CSMD1: variants seen among roughly 807,000 people sequenced by gnomAD.
CSMD1 encodes the protein CUB and Sushi multiple domains 1, also known as CUB and sushi domain-containing protein 1.
CSMD1 carries 213 observed loss-of-function variants against 417.5 expected under a neutral mutation model. The observed-to-expected ratio is 0.51, with a 90% CI of 0.46 to 0.57. The LOEUF is 0.57. Ranked by LOEUF, CSMD1 falls within the 20% of genes least tolerant of loss-of-function variation. The pLI, the probability that CSMD1 is intolerant of heterozygous loss-of-function variation, is 0.00. For missense variants in CSMD1, 6,923 were observed against 4,529.7 expected (o/e 1.53, Z -15.17); for synonymous variants, 2,862 against 1,736.8 (o/e 1.65, Z -16.11).
intron 7 of CSMD1, among the ~76,000 whole-genome samples, chr8:3,648,213 T>C (rs1439394471): frequency 3.3e-5 from 5 of 152,256 alleles, no homozygotes; most frequent in East Asian, 1.9e-4. Context: ...TCTCACCATA[T>C]ACTAGAGACA....
At chr8:4,843,967 C>G (rs999983255) in intron 1 of CSMD1, among the ~76,000 whole-genome samples, 1 of 152,136 alleles carries the variant, frequency 6.6e-6, no homozygotes, top group African/African-American at 2.4e-5. Flanking sequence ...AAGTGTGTTT[C>G]TCATGAATCA....
At chr8:3,031,479 A>T (rs1335902464) in intron 50 of CSMD1, among the ~76,000 whole-genome samples, 1 of 152,036 alleles carries the variant, frequency 6.6e-6, no homozygotes, top group African/African-American at 2.4e-5. Flanking sequence ...ATAAAAAAAA[A>T]TTATTTTTAA....
intron 12 of CSMD1, among the ~76,000 whole-genome samples, chr8:3,452,581 G>A (rs1039203296): frequency 1.3e-5 from 2 of 152,114 alleles, no homozygotes; most frequent in Non-Finnish European, 2.9e-5. Flanking sequence ...TAATCATGTG[G>A]TTTTTGTCAT....
intron 1 of CSMD1, among the ~76,000 whole-genome samples, chr8:4,792,386 G>A (rs982551081): frequency 6.6e-6 from 1 of 152,188 alleles, no homozygotes; most frequent in South Asian, 2.1e-4. Flanking sequence ...CAATTCCAGA[G>A]ACATTTCGTC....
chr8:3,304,309 A>C (rs1804644662), intron 25 of CSMD1, among the ~76,000 whole-genome samples: 1 of 152,170 alleles, frequency 6.6e-6, no homozygotes, highest in Non-Finnish European at 1.5e-5. Context: ...TGAAATAAAT[A>C]AGACTTAGTA....
At chr8:4,229,240 T>TAC (rs1801559118) in intron 3 of CSMD1, among the ~76,000 whole-genome samples, 1 of 152,190 alleles carries the variant, frequency 6.6e-6, no homozygotes, top group Non-Finnish European at 1.5e-5. Context: ...TGGCTAGTCC[T>TAC]ACTCAAAAGA....
chr8:2,957,709 C>G lies in CSMD1; in HGVS notation c.9801G>C (p.Gln3267His), dbSNP rs755032202. Reference protein sequence around the residue: ...CLANLTWSGIQTECIPHACRQ... With the variant: ...CLANLTWSGIHTECIPHACRQ... Reference sequence around the variant, plus strand: ...AATCACACTTACGTATACATTCGGTCTGTATCCCACTCCATGTTAAATTGG... The same window carrying G: ...AATCACACTTACGTATACATTCGGTGTGTATCCCACTCCATGTTAAATTGG... Residue 3267 changes from glutamine (Q) to histidine (H), a missense_variant, in exon 63 of 70, where the codon CAG becomes CAC. Gln to His is a conservative substitution (Grantham distance 24, BLOSUM62 0). Coordinates refer to ENST00000635120, the MANE Select transcript of CSMD1 (RefSeq NM_033225.6). 1 of 1,588,250 alleles carries G rather than the reference C, an allele frequency of 6.3e-7. No homozygotes were observed. The highest frequency in any genetic ancestry group is 1.3e-5 in the African/African-American group (1 of 74,732).
chr8:3,059,575 C>G (rs532800725), intron 49 of CSMD1, among the ~76,000 whole-genome samples: 1 of 152,250 alleles, frequency 6.6e-6, no homozygotes, highest in East Asian at 1.9e-4. Context: ...CACGTCAGGA[C>G]ACCCTTCAGA....
intron 3 of CSMD1, among the ~76,000 whole-genome samples, chr8:4,288,356 C>T (rs554072046): frequency 1.9e-4 from 29 of 152,238 alleles, no homozygotes; most frequent in African/African-American, 7.0e-4. Flanking sequence ...TTAAGCAAAC[C>T]TTAATGATTC....
chr8:3,712,396 GAGAGACAGACAGACAGACAGAC>G (rs1474110627), intron 6 of CSMD1, among the ~76,000 whole-genome samples: 1 of 63,924 alleles, frequency 1.6e-5, no homozygotes. Context: ...GAGAGAGAGA[GAGAGACAGACAGACAGACAGAC>G]AGACAGACAG....
At chr8:4,130,510 C>G (rs1803033985) in intron 3 of CSMD1, among the ~76,000 whole-genome samples, 1 of 152,102 alleles carries the variant, frequency 6.6e-6, no homozygotes, top group Non-Finnish European at 1.5e-5. Flanking sequence ...TGATTCTTGG[C>G]TTTCTGAAGT....
chr8:3,982,728 C>T (rs1467735195), intron 5 of CSMD1, among the ~76,000 whole-genome samples: 1 of 152,080 alleles, frequency 6.6e-6, no homozygotes. Context: ...CACCCGGCAT[C>T]TGTAGGAGGC....
At chr8:4,956,442 A>G (rs959722262) in intron 1 of CSMD1, among the ~76,000 whole-genome samples, 3 of 148,854 alleles carry the variant, frequency 2.0e-5, no homozygotes, top group African/African-American at 4.9e-5. Flanking sequence ...TATATTTAAT[A>G]TACATATTAA....
At chr8:3,276,859 T>C (rs1170154895) in intron 26 of CSMD1, among the ~76,000 whole-genome samples, 2 of 152,190 alleles carry the variant, frequency 1.3e-5, no homozygotes, top group Non-Finnish European at 2.9e-5. Context: ...ATTGATTATA[T>C]GTCATGTTCT....
intron 3 of CSMD1, among the ~76,000 whole-genome samples, chr8:4,048,753 T>A (rs1171098552): frequency 6.6e-6 from 1 of 152,202 alleles, no homozygotes; most frequent in African/African-American, 2.4e-5. Flanking sequence ...CTATATAAAA[T>A]GCAAAGCTGT....
Position 3,704,290 on chromosome 8 carries a change from C to G in CSMD1, c.1009+4124G>C, listed in dbSNP as rs549859573. 4.6e-5 allele frequency among the ~76,000 whole-genome samples: 7 copies of G among 152,180 alleles called. No individual in the cohort carries two copies. In the East Asian group the frequency reaches 7.8e-4, roughly 17 times the overall value. On this transcript the variant is annotated intron_variant, in intron 7 of 69. Coordinates refer to ENST00000635120, the MANE Select transcript of CSMD1 (RefSeq NM_033225.6). ...GAGCAAGCAGGATTCAGCACAGAAG[C>G]CTTCTGTTCTTTGCGTGATTAGCGA...
intron 2 of CSMD1, among the ~76,000 whole-genome samples, chr8:4,445,478 C>G (rs918082611): frequency 6.6e-6 from 1 of 152,146 alleles, no homozygotes; most frequent in Non-Finnish European, 1.5e-5. Context: ...TTAAGAAAGT[C>G]AAAGTCTTTG....
At chr8:4,368,894 A>G (rs1396171774) in intron 3 of CSMD1, among the ~76,000 whole-genome samples, 1 of 152,096 alleles carries the variant, frequency 6.6e-6, no homozygotes, top group Non-Finnish European at 1.5e-5. Flanking sequence ...TTAATCCTTC[A>G]AATCATCAAC....
chr8:4,078,198 T>C (rs112894888), intron 3 of CSMD1, among the ~76,000 whole-genome samples: 89 of 152,326 alleles, frequency 5.8e-4, no homozygotes, highest in African/African-American at 1.9e-3. Context: ...CTTTGCTGCA[T>C]TTCTACATCA....
Sources: allele counts gnomAD v4.1 joint callset (sites outside exome capture counted in the v4.1 genomes callset), GRCh38; gene constraint gnomAD v4.1.1; transcripts MANE v1.5; gene names NCBI Gene and HGNC (gene_info 2026-07-23, HGNC 2026-07-21).